The following FGD3 variants were observed in gnomAD, a reference collection of about 807,000 sequenced individuals.
FGD3 encodes the protein FYVE, RhoGEF and PH domain containing 3, also known as FYVE, RhoGEF and PH domain-containing protein 3.
In FGD3, 45 loss-of-function variants were observed where a neutral mutation model predicts 71.8. That is an observed-to-expected ratio of 0.63 (90% confidence interval 0.49 to 0.80). The LOEUF (loss-of-function observed/expected upper bound fraction) is 0.80, where lower values mean the gene tolerates loss of function less well. Among genes scored for constraint, FGD3 ranks in the 30% least tolerant of loss-of-function variants. The probability of loss-of-function intolerance (pLI) is 0.00; values close to 1 mark genes in which losing one functional copy is unlikely to be tolerated. For missense variants in FGD3, 844 were observed against 951.5 expected, an observed-to-expected ratio of 0.89 and a Z score of 1.49; for synonymous variants, 378 against 392.8, an observed-to-expected ratio of 0.96 and a Z score of 0.44.
chr9:92,954,169 T>C (rs958097036), intron 1 of FGD3, among the ~76,000 whole-genome samples: 3 of 152,212 alleles, frequency 2.0e-5, no homozygotes, highest in African/African-American at 7.2e-5. Flanking sequence ...TTTCATTTCC[T>C]TGGGTCTTGT....
chr9:92,956,621 C>T (rs1408034911), intron 1 of FGD3, among the ~76,000 whole-genome samples: 3 of 152,152 alleles, frequency 2.0e-5, no homozygotes, highest in Non-Finnish European at 4.4e-5. Flanking sequence ...CTCAGAGTTC[C>T]AGCCTCCTGG....
At chr9:93,021,870 G>C (rs2118795447) in intron 13 of FGD3, among the ~76,000 whole-genome samples, 1 of 152,328 alleles carries the variant, frequency 6.6e-6, no homozygotes, top group African/African-American at 2.4e-5. Flanking sequence ...ACCTGGGAAT[G>C]TGAGACACTG....
chr9:93,020,454 C>A lies in FGD3; in HGVS notation c.1494+30C>A, dbSNP rs1229076382. 4 of 1,591,296 alleles carry A rather than the reference C, an allele frequency of 2.5e-6. No individual in the cohort carries two copies. The East Asian group carries it at 9.0e-5, about 36-fold the overall frequency. On this transcript the variant is annotated intron_variant, in intron 13 of 17. Transcript: ENST00000375482. Reference sequence around the variant, plus strand: ...GTCAGTGGCCCGGGGTGCAGAGAGACCTCCAGGGGACGGGCTACCTGTGGA... The same window carrying A: ...GTCAGTGGCCCGGGGTGCAGAGAGAACTCCAGGGGACGGGCTACCTGTGGA...
intron 3 of FGD3, among the ~76,000 whole-genome samples, chr9:92,999,007 C>T (rs1328190870): frequency 1.3e-5 from 2 of 152,224 alleles, no homozygotes; most frequent in African/African-American, 4.8e-5. Flanking sequence ...AGCTGTCAGA[C>T]AGGGACGTTT....
intron 3 of FGD3, among the ~76,000 whole-genome samples, chr9:92,998,922 G>T (rs1860750806): frequency 6.6e-6 from 1 of 152,156 alleles, no homozygotes; most frequent in Admixed American, 6.5e-5. Context: ...CGGGGGTCAG[G>T]GACCCACTTG....
intron 3 of FGD3, among the ~76,000 whole-genome samples, chr9:92,992,514 G>T (rs1009612447): frequency 2.6e-5 from 4 of 152,166 alleles, no homozygotes; most frequent in Non-Finnish European, 5.9e-5. Context: ...GAGCTCCTGG[G>T]TTGGAGTGGC....
intron 1 of FGD3, among the ~76,000 whole-genome samples, chr9:92,968,416 TC>T (rs1218751314): frequency 6.6e-6 from 1 of 151,634 alleles, no homozygotes; most frequent in African/African-American, 2.4e-5. Context: ...CTGACCCCCA[TC>T]CCAATTCAGG....
Position 93,004,112 on chromosome 9 carries a change from C to T in FGD3, c.655C>T (p.Leu219=), listed in dbSNP as rs181243813. The change falls in exon 5 of 18, where the codon CTG becomes TTG. Residue 219 remains leucine (L), a synonymous_variant. Coordinates refer to ENST00000375482, the MANE Select transcript of FGD3 (RefSeq NM_001083536.2). ...RFHGQFLLPE[L]KTRITEEWDT... ...CCACGGGCAGTTCCTGCTGCCGGAG[C>T]TGAAGACGCGGATCACGGAGGAGTG... 1 of 1,614,110 alleles carries T rather than the reference C, an allele frequency of 6.2e-7. No homozygotes were observed. The highest frequency in any genetic ancestry group is 1.7e-5 in the Admixed American group (1 of 60,032).
At chr9:92,988,801 T>A (rs1298310457) in intron 3 of FGD3, among the ~76,000 whole-genome samples, 1 of 152,204 alleles carries the variant, frequency 6.6e-6, no homozygotes, top group East Asian at 1.9e-4. Flanking sequence ...AAGCACTGTA[T>A]ACCCTTTCCC....
At chr9:92,974,989 G>A (rs532250640) in intron 1 of FGD3, among the ~76,000 whole-genome samples, 26 of 152,304 alleles carry the variant, frequency 1.7e-4, no homozygotes, top group African/African-American at 4.3e-4. Flanking sequence ...GTTTCCAGCC[G>A]AGCAAGACAC....
chr9:93,032,521 A>G, intron 15 of FGD3: 2 of 475,494 alleles, frequency 4.2e-6, no homozygotes, highest in Non-Finnish European at 7.6e-6. Context: ...CCACGCACAC[A>G]AGACTCCTGG....
At position 93,015,844 on chromosome 9, in the gene FGD3, C is replaced by T. The variant is rs1256990217; in HGVS notation, c.1275+15C>T. The T allele has an allele frequency of 6.2e-7, 1 of 1,611,270 alleles. No homozygotes were observed. Among genetic ancestry groups the T allele is most frequent in the East Asian group, 2.2e-5 (1 of 44,866 alleles). On this transcript the variant is annotated intron_variant, in intron 10 of 17. Coordinates refer to ENST00000375482, the MANE Select transcript of FGD3 (RefSeq NM_001083536.2). ...CAGGCCTCCAGGTGGGTGAGCTCCT[C>T]CATCTCAAACCTGTCCCCCTGGAAG...
intron 3 of FGD3, among the ~76,000 whole-genome samples, chr9:93,001,698 ATGTC>A (rs1170720177): frequency 2.0e-5 from 3 of 152,100 alleles, no homozygotes; most frequent in Non-Finnish European, 4.4e-5. Flanking sequence ...TCTAGCTTTG[ATGTC>A]TGGGCACTGA....
chr9:92,953,105 A>G (rs532908876), intron 1 of FGD3, among the ~76,000 whole-genome samples: 2 of 152,332 alleles, frequency 1.3e-5, no homozygotes, highest in South Asian at 4.1e-4. Context: ...CTGCCGCATA[A>G]CAATGCTGGA....
chr9:93,015,895 C>A, intron 10 of FGD3, 66 bp downstream of exon 10: 1 of 1,443,088 alleles, frequency 6.9e-7, no homozygotes. Context: ...CTGGGGACAC[C>A]AGGCTCTGGC....
chr9:92,974,042 A>C (rs1181481983), intron 1 of FGD3, among the ~76,000 whole-genome samples: 1 of 152,224 alleles, frequency 6.6e-6, no homozygotes, highest in Non-Finnish European at 1.5e-5. Context: ...CTCAGGGACC[A>C]CAGTGTTTTA....
rs368703883 is a variant in FGD3 at position 93,034,661 on chromosome 9, C to T, written c.1906C>T (p.His636Tyr). Residue 636 changes from histidine (H) to tyrosine (Y), a missense_variant, in exon 17 of 18, where the codon CAC (histidine) becomes TAC (tyrosine). His to Tyr is a moderately conservative substitution (Grantham distance 83). Transcript: ENST00000375482. Reference sequence around the variant, plus strand: ...CCCCATGTCAGATCCCCAGGTGCTGCACCTGCAGGGAGGCAGCCAGGTACG... The same window carrying T: ...CCCCATGTCAGATCCCCAGGTGCTGTACCTGCAGGGAGGCAGCCAGGTACG... ...AIPMSDPQVL[H>Y]LQGGSQDGRL... 537 of 1,613,172 alleles carry T rather than the reference C, an allele frequency of 3.3e-4. 1 individual carries two copies. Among genetic ancestry groups the T allele is most frequent in the Non-Finnish European group, 4.4e-4 (521 of 1,179,728 alleles).
intron 15 of FGD3, chr9:93,032,361 CT>C (rs1364661796): frequency 5.2e-6 from 1 of 192,886 alleles, no homozygotes; most frequent in African/African-American, 2.3e-5. Flanking sequence ...ACACTATTTT[CT>C]TTTTGTCGCT....
intron 1 of FGD3, among the ~76,000 whole-genome samples, chr9:92,959,727 A>AAT (rs1859134706): frequency 6.6e-6 from 1 of 151,400 alleles, no homozygotes; most frequent in Non-Finnish European, 1.5e-5. Context: ...AAAAAAAAAA[A>AAT]ATCAGCCCTA....
Sources: allele counts gnomAD v4.1 joint callset (sites outside exome capture counted in the v4.1 genomes callset), GRCh38; gene constraint gnomAD v4.1.1; transcripts MANE v1.5; gene names NCBI Gene and HGNC (gene_info 2026-07-23, HGNC 2026-07-21).